Variants in DAB2IP observed in about 807,000 individuals in gnomAD.
DAB2IP encodes DAB2 interacting protein.
A neutral mutation model predicts 107.2 loss-of-function variants in DAB2IP; 28 were observed. The ratio of observed to expected loss-of-function variants is 0.26; its 90% CI spans 0.19 to 0.36. The LOEUF is 0.36. Among genes scored for constraint, DAB2IP ranks in the 10% least tolerant of loss-of-function variants. The pLI is 1.00. For synonymous variants in DAB2IP, 755 were observed against 706.4 expected (o/e 1.07, Z -1.09); for missense variants, 1,400 against 1,644.7 (o/e 0.85, Z 2.57).
At chr9:121,780,478 G>A (rs1474900355) in intron 14 of DAB2IP, among the ~76,000 whole-genome samples, 2 of 152,214 alleles carry the variant, frequency 1.3e-5, no homozygotes, top group Non-Finnish European at 2.9e-5. Context: ...TGCCCAGTGT[G>A]CGGTGGCTGC....
At chr9:121,671,580 G>A (rs1833685108) in intron 1 of DAB2IP, among the ~76,000 whole-genome samples, 1 of 152,034 alleles carries the variant, frequency 6.6e-6, no homozygotes, top group South Asian at 2.1e-4. Flanking sequence ...AGGATGTTTG[G>A]TTGTTTCCAG....
chr9:121,623,335 T>G (rs1450167752), intron 1 of DAB2IP, among the ~76,000 whole-genome samples: 1 of 152,144 alleles, frequency 6.6e-6, no homozygotes, highest in African/African-American at 2.4e-5. Context: ...GTTTTAAGCT[T>G]TCAGGTTTAA....
At chr9:121,748,252 C>G (rs1476642683) in intron 3 of DAB2IP, among the ~76,000 whole-genome samples, 3 of 152,206 alleles carry the variant, frequency 2.0e-5, no homozygotes, top group Non-Finnish European at 2.9e-5. Context: ...ACCTTAGATA[C>G]AGCTGGGATA....
rs368501457 is a variant in DAB2IP, at chr9:121,607,939, G to C, written c.40+40711G>C. Among the ~76,000 whole-genome samples the C allele has an allele frequency of 4.6e-5, 7 of 152,362 alleles. No homozygotes were observed. The East Asian group carries it at 9.6e-4, about 21-fold the overall frequency. ...GCAGGACCCAGCCAGAAGACATAAT[G>C]GAAGCAGGCCCTGGCCAGAGCAGGG... is the stretch of plus-strand genomic sequence containing the variant. On this transcript the variant is annotated intron_variant, in intron 1 of 16. Coordinates refer to the DAB2IP transcript ENST00000259371.
chr9:121,780,498 G>C (rs573842194), intron 14 of DAB2IP, among the ~76,000 whole-genome samples: 3 of 152,336 alleles, frequency 2.0e-5, no homozygotes, highest in East Asian at 3.9e-4. Flanking sequence ...CTCTAGGCTG[G>C]AGGAATCAAG....
intron 1 of DAB2IP, among the ~76,000 whole-genome samples, chr9:121,631,652 C>T (rs1177661414): frequency 6.6e-6 from 1 of 151,866 alleles, no homozygotes; most frequent in Non-Finnish European, 1.5e-5. Flanking sequence ...CCCGTCTCTA[C>T]TAAAAATACA....
rs181060752 is a variant in DAB2IP, at chr9:121,599,295, C to T, written c.40+32067C>T. On this transcript the variant is annotated intron_variant, in intron 1 of 16. Coordinates refer to the DAB2IP transcript ENST00000259371. The surrounding 1 kb of genome is among the most constrained non-coding windows in gnomAD (Gnocchi z 6.9). Reference sequence around the variant, plus strand: ...CCGGGAGGGGAGGGGGCGTGTGGTCCCGCCGGCATCTCGGGCCGGCACCAG... The same window carrying T: ...CCGGGAGGGGAGGGGGCGTGTGGTCTCGCCGGCATCTCGGGCCGGCACCAG... Among the ~76,000 whole-genome samples the T allele has an allele frequency of 0.014, 2,199 of 152,276 alleles. 34 individuals carry two copies. The highest frequency in any genetic ancestry group is 0.085 in the South Asian group (408 of 4,822).
At chr9:121,703,153 G>A (rs921949581) in intron 3 of DAB2IP, among the ~76,000 whole-genome samples, 3 of 152,210 alleles carry the variant, frequency 2.0e-5, no homozygotes, top group African/African-American at 7.2e-5. Context: ...GTTGGGGATG[G>A]CAGCTTCCAG....
chr9:121,676,635 G>GCACACACACACAGACACA, intron 1 of DAB2IP, among the ~76,000 whole-genome samples: 1 of 150,544 alleles, frequency 6.6e-6, no homozygotes, highest in Admixed American at 6.6e-5. Flanking sequence ...TTCTGCAGAC[G>GCACACACACACAGACACA]CACACACACA....
At chr9:121,750,646 A>G (rs1833049654) in intron 3 of DAB2IP, among the ~76,000 whole-genome samples, 1 of 151,948 alleles carries the variant, frequency 6.6e-6, no homozygotes, top group Admixed American at 6.6e-5. Flanking sequence ...CGACCAAACA[A>G]TCCCACTCTC....
exon 12 of DAB2IP, chr9:121,773,199 C>T (rs191595599): frequency 1.4e-4 from 214 of 1,578,856 alleles, no homozygotes; most frequent in Middle Eastern, 1.7e-4. Flanking sequence ...TGAGCTGGCA[C>T]GGCGACAGAT....
At position 121,656,896 on chromosome 9, in the gene DAB2IP, C is replaced by T. The variant is rs187647917; in HGVS notation, c.124+4997C>T. ...CCTCCAGGTCCTGAGATTCACCTTG[C>T]GATATCCGTGGGCAGGCAGACCTTT... On this transcript the variant is annotated intron_variant, in intron 1 of 15. Coordinates refer to ENST00000408936, the Ensembl canonical transcript of DAB2IP. Among the ~76,000 whole-genome samples the T allele has an allele frequency of 3.3e-4, 51 of 152,314 alleles. 3 individuals carry two copies. Among genetic ancestry groups the T allele is most frequent in the East Asian group, 2.3e-3 (12 of 5,184 alleles).
Position 121,635,033 on chromosome 9 carries a change from C to T in DAB2IP, c.41-43645C>T, listed in dbSNP as rs549361930. Among the ~76,000 whole-genome samples the T allele has an allele frequency of 3.3e-5, 5 of 152,102 alleles. No individual in the cohort carries two copies. Among genetic ancestry groups the T allele is most frequent in the South Asian group, 2.1e-4 (1 of 4,814 alleles). On this transcript the variant is annotated intron_variant, in intron 1 of 16. Transcript: ENST00000259371. This position sits in a 1 kb window ranked among gnomAD's most constrained non-coding sequence, Gnocchi z 4.3. The stretch of plus-strand genomic sequence containing the variant: ...CTGTGTATATGTGTGTGTGTGTGCG[C>T]GTGCGTGTGTATGTGTGTGTGCATG...
intron 1 of DAB2IP, among the ~76,000 whole-genome samples, chr9:121,653,914 G>T (rs1832867895): frequency 6.6e-6 from 1 of 152,198 alleles, no homozygotes; most frequent in South Asian, 2.1e-4. Context: ...TTATATCTGG[G>T]GAGATCAGGG....
intron 1 of DAB2IP, among the ~76,000 whole-genome samples, chr9:121,668,528 T>C (rs2119110297): frequency 6.6e-6 from 1 of 152,178 alleles, no homozygotes; most frequent in South Asian, 2.1e-4. Flanking sequence ...TGTGAGCCAC[T>C]GCACCCAGGC....
At chr9:121,704,384 A>T (rs1163884251) in intron 3 of DAB2IP, among the ~76,000 whole-genome samples, 2 of 152,112 alleles carry the variant, frequency 1.3e-5, no homozygotes, top group Non-Finnish European at 2.9e-5. Flanking sequence ...GAAAAAGGGC[A>T]TTTTTTTGTT....
intron 1 of DAB2IP, among the ~76,000 whole-genome samples, chr9:121,642,022 TCTC>T (rs1832352365): frequency 5.9e-5 from 2 of 33,622 alleles, no homozygotes; most frequent in African/African-American, 2.7e-4. Flanking sequence ...TCTCTCTCTC[TCTC>T]TCTCTCTTTC....
chr9:121,576,708 G>A (rs984120896), intron 1 of DAB2IP, among the ~76,000 whole-genome samples: 13 of 152,126 alleles, frequency 8.5e-5, no homozygotes, highest in Admixed American at 6.6e-5. Flanking sequence ...GGCAGGAGAT[G>A]TTGGTGTCCA....
At chr9:121,641,892 C>CCTTTCTTTCTTTCTCTTT (rs1554718108) in intron 1 of DAB2IP, among the ~76,000 whole-genome samples, 2 of 89,332 alleles carry the variant, frequency 2.2e-5, no homozygotes, top group Admixed American at 1.2e-4. Flanking sequence ...CATTTCTTTC[C>CCTTTCTTTCTTTCTCTTT]CTTTCTTTCT....
Sources: allele counts gnomAD v4.1 joint callset (sites outside exome capture counted in the v4.1 genomes callset), GRCh38; gene constraint gnomAD v4.1.1; non-coding constraint Gnocchi (gnomAD v3.1); transcripts MANE v1.5; gene names NCBI Gene and HGNC (gene_info 2026-07-23, HGNC 2026-07-21).